The following PITPNM3 variants were observed in gnomAD, a reference collection of about 807,000 sequenced individuals.
The protein encoded by PITPNM3 is PITPNM family member 3.
In PITPNM3, 26 loss-of-function variants were observed where a neutral mutation model predicts 102.0. That is an observed-to-expected ratio of 0.25 (90% CI 0.19 to 0.35). The LOEUF (loss-of-function observed/expected upper bound fraction) is 0.35. Among genes scored for constraint, PITPNM3 ranks in the 10% least tolerant of loss-of-function variants. The probability of loss-of-function intolerance (pLI) is 1.00; values close to 1 mark genes in which losing one functional copy is unlikely to be tolerated. For missense variants in PITPNM3, 1,083 were observed against 1,346.1 expected, an observed-to-expected ratio of 0.80 and a Z score of 3.06; for synonymous variants, 578 against 558.6, an observed-to-expected ratio of 1.03 and a Z score of -0.49.
intron 1 of PITPNM3, among the ~76,000 whole-genome samples, chr17:6,545,989 G>A (rs376072925): frequency 2.0e-5 from 3 of 152,344 alleles, no homozygotes; most frequent in South Asian, 4.1e-4. Context: ...CCTCTCAGGG[G>A]AGCATCCCCG....
Position 6,478,852 on chromosome 17 carries a change from CT to C in PITPNM3, c.588-117del. On this transcript the variant is annotated intron_variant, in intron 6 of 19. Transcript: ENST00000262483. This position sits in a 1 kb window ranked among gnomAD's most constrained non-coding sequence, Gnocchi z 4.4. ...GGCCAGGAATTGGGCTCCAGGGACC[CT>C]TCAGGAAGACCCAGGCAGGAGCCTG... 9.5e-7 allele frequency: 1 copy of C among 1,057,496 alleles called. No homozygotes were observed. Among genetic ancestry groups the C allele is most frequent in the Non-Finnish European group, 1.3e-6 (1 of 745,878 alleles). The allele number at this position is 1,057,496 out of a possible 1,614,324, so 65.5% of individuals were successfully genotyped here.
Position 6,517,997 on chromosome 17 carries a change from A to G in PITPNM3, c.226+7359T>C, listed in dbSNP as rs1182758050. On this transcript the variant is annotated intron_variant, in intron 3 of 19. Coordinates refer to ENST00000262483, the MANE Select transcript of PITPNM3 (RefSeq NM_031220.4). This position sits in a 1 kb window ranked among gnomAD's most constrained non-coding sequence, Gnocchi z 4.1. ...GAAAACTGTATTGATAATATCTTTA[A>G]TTTTATAGAGAATTTATAACCCAAC... Among the ~76,000 whole-genome samples, 1 of 152,212 alleles carries G rather than the reference A, an allele frequency of 6.6e-6. No homozygotes were observed. Among genetic ancestry groups the G allele is most frequent in the East Asian group, 1.9e-4 (1 of 5,204 alleles).
At chr17:6,505,467 G>A (rs1005718220) in intron 3 of PITPNM3, among the ~76,000 whole-genome samples, 4 of 152,142 alleles carry the variant, frequency 2.6e-5, no homozygotes, top group Non-Finnish European at 5.9e-5. Flanking sequence ...ATAGAGAACA[G>A]AGACCTGGAC....
In PITPNM3 at chr17:6,470,539, T is replaced by A; in HGVS notation, c.1625-131A>T. On this transcript the variant is annotated intron_variant, in intron 12 of 19. Transcript: ENST00000262483. The surrounding 1 kb of genome is among the most constrained non-coding windows in gnomAD (Gnocchi z 4.8). ...GGCACGGGTTTGGGCGGGAGCACCC[T>A]GGCCTGGAGGAGGCCTGGGGAACGC... 2.4e-6 allele frequency: 3 copies of A among 1,227,360 alleles called. No homozygotes were observed. Among genetic ancestry groups the A allele is most frequent in the Non-Finnish European group, 3.5e-6 (3 of 849,558 alleles). 76.0% of individuals were successfully genotyped at this position (1,227,360 alleles called of 1,614,324 possible).
chr17:6,555,896 C>A (rs1180941165), intron 1 of PITPNM3, among the ~76,000 whole-genome samples: 2 of 151,712 alleles, frequency 1.3e-5, no homozygotes, highest in Non-Finnish European at 2.9e-5. Flanking sequence ...CCCTCCTTCC[C>A]GAGAAGGAAT....
intron 4 of PITPNM3, among the ~76,000 whole-genome samples, chr17:6,499,373 C>T (rs1052940535): frequency 3.9e-5 from 6 of 152,352 alleles, no homozygotes; most frequent in African/African-American, 1.4e-4. Flanking sequence ...GGAGACCTCC[C>T]TCCCCACACT....
chr17:6,519,894 A>G (rs764394438), intron 3 of PITPNM3, among the ~76,000 whole-genome samples: 1 of 152,210 alleles, frequency 6.6e-6, no homozygotes, highest in Non-Finnish European at 1.5e-5. Context: ...AAAAAACCCA[A>G]GAGAATCAAC....
rs1236381334 is a variant in PITPNM3 at position 6,471,178 on chromosome 17, G to T, written c.1607C>A (p.Pro536His). 1.2e-6 allele frequency: 2 copies of T among 1,612,644 alleles called. No homozygotes were observed. Among genetic ancestry groups the T allele is most frequent in the East Asian group, 4.5e-5 (2 of 44,870 alleles). ...TCACTCACTGCGGGAGGCACCCACG[G>T]GTGCCATGCTGTCCGAGGACTCCGA... is the stretch of plus-strand genomic sequence containing the variant. ...ESSESSDSMA[P>H]VGASRITAKW... The change falls in exon 12 of 20, where the codon CCC becomes CAC. Residue 536 changes from proline to histidine, a missense_variant. Physicochemically the swap from Pro to His is moderately conservative, Grantham distance 77. Around this residue, in one of 5 missense-constraint regions of PITPNM3, gnomAD observed 410 missense variants for 638.4 expected, o/e 0.64. Coordinates refer to ENST00000262483, the MANE Select transcript of PITPNM3 (RefSeq NM_031220.4).
chr17:6,516,424 C>T (rs1009563798), intron 3 of PITPNM3, among the ~76,000 whole-genome samples: 1 of 150,434 alleles, frequency 6.6e-6, no homozygotes, highest in Non-Finnish European at 1.5e-5. Context: ...ATTAGCCAGG[C>T]GTGGTGGCGG....
intron 4 of PITPNM3, among the ~76,000 whole-genome samples, chr17:6,492,023 T>C (rs1051432775): frequency 3.2e-4 from 48 of 151,610 alleles, no homozygotes; most frequent in Non-Finnish European, 5.0e-4. Context: ...TGAATGTTTA[T>C]TGGATAGATA....
chr17:6,530,875 C>T (rs1205168994), intron 2 of PITPNM3, among the ~76,000 whole-genome samples: 19 of 152,194 alleles, frequency 1.2e-4, no homozygotes, highest in Admixed American at 1.2e-3. Flanking sequence ...ACACCACAGC[C>T]AACAGAGCCT....
intron 1 of PITPNM3, among the ~76,000 whole-genome samples, chr17:6,542,730 CCA>C (rs150917008): frequency 0.011 from 1,640 of 152,254 alleles, 24 homozygotes; most frequent in African/African-American, 0.038. Context: ...AGCGACAGGA[CCA>C]AGGATTGAGG....
Position 6,537,922 on chromosome 17 carries a change from G to T in PITPNM3, c.118+65C>A. 1 of 1,375,832 alleles carries T rather than the reference G, an allele frequency of 7.3e-7. No homozygotes were observed. Among genetic ancestry groups the T allele is most frequent in the South Asian group, 1.2e-5 (1 of 83,408 alleles). The allele number at this position is 1,375,832 out of a possible 1,614,324, so 85.2% of individuals were successfully genotyped here. A position where few individuals can be genotyped will look rare whatever the true frequency, so the allele number is the denominator to read the frequency against. On this transcript the variant is annotated intron_variant, in intron 2 of 19. Transcript: ENST00000262483. The surrounding 1 kb of genome is among the most constrained non-coding windows in gnomAD (Gnocchi z 4.4). ...GGGAGGGATGCGGACCCCCAAATGGGATCTTCTTCTTGAGGCTTCTAGGAA... is the reference window on the plus strand; with the variant it reads ...GGGAGGGATGCGGACCCCCAAATGGTATCTTCTTCTTGAGGCTTCTAGGAA...
In PITPNM3 at chr17:6,496,036, G is replaced by A. The variant is rs150058831; in HGVS notation, c.274+7491C>T. ...GGAGCCCCCTCCATGCCGGGTCATC[G>A]TAAGGTGGTCTCTGCTGAAGGCTCA... On this transcript the variant is annotated intron_variant, in intron 4 of 19. Transcript: ENST00000262483. Among the ~76,000 whole-genome samples the A allele has an allele frequency of 8.3e-3, 1,260 of 152,268 alleles. 10 individuals are homozygous for A. Among genetic ancestry groups the A allele is most frequent in the African/African-American group, 0.029 (1,206 of 41,564 alleles).
chr17:6,470,427 G>C lies in PITPNM3; in HGVS notation c.1625-19C>G, dbSNP rs1189117140. On this transcript the variant is annotated intron_variant, in intron 12 of 19. Transcript: ENST00000262483. The surrounding 1 kb of genome is among the most constrained non-coding windows in gnomAD (Gnocchi z 4.8). Reference sequence around the variant, plus strand: ...GCTGTGACTGTGGGTCGGAGAGGAAGGTGAGGATGCGTGGCCGGCCCGGGG... The same window carrying C: ...GCTGTGACTGTGGGTCGGAGAGGAACGTGAGGATGCGTGGCCGGCCCGGGG... 1 of 1,613,994 alleles carries C rather than the reference G, an allele frequency of 6.2e-7. No individual in the cohort carries two copies.
chr17:6,483,588 G>A lies in PITPNM3; in HGVS notation c.516C>T (p.Ala172=). Residue 172 remains alanine (A), a synonymous_variant, in exon 6 of 20, where the codon GCC becomes GCT. Transcript: ENST00000262483. The stretch of plus-strand genomic sequence containing the variant: ...CGAACTTGATGAGGATGTGGCCCAG[G>A]GCAGCAGGGAAATGGGCTCGTGTGA... ...EKVTRAHFPA[A]LGHILIKFVP... 1 of 1,614,064 alleles carries A rather than the reference G, an allele frequency of 6.2e-7. No individual in the cohort carries two copies. Among genetic ancestry groups the A allele is most frequent in the South Asian group, 1.1e-5 (1 of 91,066 alleles).
rs1909504883 is a variant in PITPNM3, at chr17:6,537,512, C to G, written c.118+475G>C. The stretch of plus-strand genomic sequence containing the variant: ...TGTTGGCCAGGCTGGTCTCAAACTC[C>G]TGACCTCAGGTGATCCACCCACCTT... On this transcript the variant is annotated intron_variant, in intron 2 of 19. Coordinates refer to ENST00000262483, the MANE Select transcript of PITPNM3 (RefSeq NM_031220.4). The surrounding 1 kb of genome is among the most constrained non-coding windows in gnomAD (Gnocchi z 4.4). 6.6e-6 allele frequency among the ~76,000 whole-genome samples: 1 copy of G among 152,164 alleles called. No individual in the cohort carries two copies. The highest frequency in any genetic ancestry group is 1.5e-5 in the Non-Finnish European group (1 of 68,030).
At chr17:6,485,817 C>G (rs1322080198) in intron 4 of PITPNM3, among the ~76,000 whole-genome samples, 6 of 152,204 alleles carry the variant, frequency 3.9e-5, no homozygotes, top group Non-Finnish European at 8.8e-5. Context: ...CAGTAAACCA[C>G]AGCCATGGAC....
chr17:6,477,081 A>C lies in PITPNM3; in HGVS notation c.1033T>G (p.Ser345Ala), dbSNP rs753072577. The change falls in exon 9 of 20, where the codon TCC becomes GCC. Residue 345 changes from serine to alanine, a missense_variant. This residue lies in a region of PITPNM3 where 172 missense variants were observed against 175.6 expected (regional missense o/e 0.98). Transcript: ENST00000262483. ...KRPLPRKQSDSSTYDCEAITQ... is the reference protein window; with the variant it reads ...KRPLPRKQSDASTYDCEAITQ... ...ATGGCCTCGCAGTCATAGGTGGAGGAGTCGCTCTGTTTCCGCGGCAACGGC... is the reference window on the plus strand; with the variant it reads ...ATGGCCTCGCAGTCATAGGTGGAGGCGTCGCTCTGTTTCCGCGGCAACGGC... The C allele has an allele frequency of 5.0e-6, 8 of 1,614,064 alleles. No individual in the cohort carries two copies. In the South Asian group the frequency reaches 7.7e-5, roughly 16 times the overall value.
Sources: allele counts gnomAD v4.1 joint callset (sites outside exome capture counted in the v4.1 genomes callset), GRCh38; gene constraint gnomAD v4.1.1; regional missense constraint gnomAD v4.1.1; non-coding constraint Gnocchi (gnomAD v3.1); transcripts MANE v1.5; gene names NCBI Gene and HGNC (gene_info 2026-07-23, HGNC 2026-07-21).